Variants in XRCC2 observed in about 807,000 individuals in gnomAD.
The protein encoded by XRCC2 is X-ray repair cross complementing 2.
In XRCC2, 24 loss-of-function variants were observed where a neutral mutation model predicts 27.3. That is an observed-to-expected ratio of 0.88 (90% CI 0.64 to 1.24). The LOEUF (loss-of-function observed/expected upper bound fraction) is 1.24. XRCC2 is among the 50% of genes most tolerant of loss of function. The probability of loss-of-function intolerance (pLI) is 0.00; values close to 1 mark genes in which losing one functional copy is unlikely to be tolerated. For synonymous variants in XRCC2, 106 were observed against 115.4 expected, an observed-to-expected ratio of 0.92 and a Z score of 0.52; for missense variants, 321 against 325.8, an observed-to-expected ratio of 0.99 and a Z score of 0.11.
chr7:152,651,842 C>G (rs1363113183), intron 2 of XRCC2, among the ~76,000 whole-genome samples: 3 of 151,780 alleles, frequency 2.0e-5, no homozygotes, highest in African/African-American at 7.3e-5. Flanking sequence ...AGTATGTTAT[C>G]AGTTCTCATA....
intron 2 of XRCC2, 147 bp from the exon 3 acceptor site, chr7:152,649,510 G>T: frequency 1.0e-6 from 1 of 1,002,870 alleles, no homozygotes; most frequent in Non-Finnish European, 1.4e-6. Context: ...AGCTGTACAA[G>T]CAAATACAAT....
In XRCC2 at chr7:152,676,032, G is replaced by A. The variant is rs2098040921; in HGVS notation, c.39+9C>T. The A allele has an allele frequency of 6.2e-7, 1 of 1,613,602 alleles. No individual in the cohort carries two copies. Among genetic ancestry groups the A allele is most frequent in the Admixed American group, 1.7e-5 (1 of 60,008 alleles). On this transcript the variant is annotated intron_variant, in intron 1 of 2. Transcript: ENST00000359321. ...CCATCTCCCTCACTCCCAACCCGGC[G>A]GCTCTCACCTCGGTCCCAGACTCAG...
At chr7:152,662,126 G>A (rs1412418476) in intron 1 of XRCC2, among the ~76,000 whole-genome samples, 4 of 151,926 alleles carry the variant, frequency 2.6e-5, no homozygotes, top group African/African-American at 9.7e-5. Context: ...CACCACGCCC[G>A]GCTAATTTTT....
intron 1 of XRCC2, among the ~76,000 whole-genome samples, chr7:152,672,717 T>C (rs1394417815): frequency 6.6e-6 from 1 of 152,224 alleles, no homozygotes; most frequent in Non-Finnish European, 1.5e-5. Flanking sequence ...GTGGAGACAT[T>C]TCCTACTTTT....
At chr7:152,662,565 ATTTTT>A (rs11323323) in intron 1 of XRCC2, among the ~76,000 whole-genome samples, 15 of 67,770 alleles carry the variant, frequency 2.2e-4, no homozygotes, top group Non-Finnish European at 3.5e-4. Context: ...TTTTATTTGC[ATTTTT>A]TTTTTTTTTT....
At chr7:152,669,543 C>T (rs1449244739) in intron 1 of XRCC2, among the ~76,000 whole-genome samples, 1 of 151,930 alleles carries the variant, frequency 6.6e-6, no homozygotes, top group Admixed American at 6.6e-5. Flanking sequence ...GCTGGGATTA[C>T]AGGCGCCCAC....
Position 152,676,069 on chromosome 7 carries a change from G to GC in XRCC2, c.10dup (p.Ala4GlyfsTer4). ...GGTCCCAGACTCAGCCCTATGGAAG[G>GC]CACTACACATCGCCCCGAAGGCTCG... On this transcript the variant is annotated frameshift_variant, in exon 1 of 3. Coordinates refer to ENST00000359321, the MANE Select transcript of XRCC2 (RefSeq NM_005431.2). LOFTEE classifies it high-confidence loss of function. 1 of 1,613,842 alleles carries GC rather than the reference G, an allele frequency of 6.2e-7. No homozygotes were observed.
intron 2 of XRCC2, among the ~76,000 whole-genome samples, chr7:152,653,656 C>A (rs1331703310): frequency 1.3e-5 from 2 of 151,692 alleles, no homozygotes; most frequent in African/African-American, 4.8e-5. Context: ...GAGATGGAGT[C>A]TTGCTGAGTT....
At chr7:152,665,057 G>A (rs184482261) in intron 1 of XRCC2, among the ~76,000 whole-genome samples, 1 of 152,146 alleles carries the variant, frequency 6.6e-6, no homozygotes, top group South Asian at 2.1e-4. Context: ...TCAGATGCTG[G>A]CAAGTCACTG....
chr7:152,662,665 C>T (rs2098033655), intron 1 of XRCC2, among the ~76,000 whole-genome samples: 1 of 145,104 alleles, frequency 6.9e-6, no homozygotes, highest in Non-Finnish European at 1.5e-5. Context: ...CTCCGCCTCC[C>T]GGGTTCACGC....
chr7:152,656,392 A>G (rs1030361382), intron 2 of XRCC2, among the ~76,000 whole-genome samples: 5 of 152,082 alleles, frequency 3.3e-5, no homozygotes, highest in Admixed American at 2.0e-4. Context: ...GCAAGACTCT[A>G]TCTCAAAAAA....
rs730882049 is a variant in XRCC2, at chr7:152,648,674, T to TA, written c.810dup (p.Ile271TyrfsTer8). 4 of 1,607,416 alleles carry TA rather than the reference T, an allele frequency of 2.5e-6. No homozygotes were observed. Among genetic ancestry groups the TA allele is most frequent in the Non-Finnish European group, 3.4e-6 (4 of 1,177,600 alleles). On this transcript the variant is annotated frameshift_variant, in exon 3 of 3. Coordinates refer to ENST00000359321, the MANE Select transcript of XRCC2 (RefSeq NM_005431.2). LOFTEE classifies it high-confidence loss of function. Reference sequence around the variant, plus strand: ...AATTCAACCCCACTTTCTCCAATAATAAAAAAATGTTTTTTTAAACTGTTA... The same window carrying TA: ...AATTCAACCCCACTTTCTCCAATAATAAAAAAAATGTTTTTTTAAACTGTTA...
chr7:152,670,965 A>G (rs2117009391), intron 1 of XRCC2, among the ~76,000 whole-genome samples: 1 of 152,322 alleles, frequency 6.6e-6, no homozygotes, highest in East Asian at 1.9e-4. Flanking sequence ...CAGTAATTCC[A>G]GCACTTTGGG....
At chr7:152,673,784 G>A (rs953188093) in intron 1 of XRCC2, among the ~76,000 whole-genome samples, 8 of 152,050 alleles carry the variant, frequency 5.3e-5, no homozygotes, top group Non-Finnish European at 1.2e-4. Context: ...GCTGAGGCAG[G>A]AGAATTGCTG....
At position 152,648,591 on chromosome 7, in the gene XRCC2, A is replaced by G; in HGVS notation, c.*51T>C. On this transcript the variant is annotated 3_prime_UTR_variant, in exon 3 of 3. Coordinates refer to ENST00000359321, the MANE Select transcript of XRCC2 (RefSeq NM_005431.2). Reference sequence around the variant, plus strand: ...ACAGAGCAAGACTCTGTCTTAAGAAAAATTTTAAGGCTTGCGTAGTACCCT... The same window carrying G: ...ACAGAGCAAGACTCTGTCTTAAGAAGAATTTTAAGGCTTGCGTAGTACCCT... 1.3e-6 allele frequency: 2 copies of G among 1,515,482 alleles called. No individual in the cohort carries two copies. Among genetic ancestry groups the G allele is most frequent in the Non-Finnish European group, 1.8e-6 (2 of 1,140,488 alleles). The allele number at this position is 1,515,482 out of a possible 1,614,324, so 93.9% of individuals were successfully genotyped here. A position where few individuals can be genotyped will look rare whatever the true frequency, so the allele number is the denominator to read the frequency against.
chr7:152,660,600 T>A, intron 2 of XRCC2, 101 bp downstream of exon 2: 1 of 938,472 alleles, frequency 1.1e-6, no homozygotes, highest in East Asian at 2.5e-5. Context: ...CAGTTTAACC[T>A]GTATAAACTC....
intron 2 of XRCC2, among the ~76,000 whole-genome samples, chr7:152,651,969 G>A (rs1000501867): frequency 6.6e-6 from 1 of 151,710 alleles, no homozygotes; most frequent in African/African-American, 2.4e-5. Context: ...AGTTCATGAC[G>A]AGCCTGGGCA....
At chr7:152,650,031 G>A (rs2098027869) in intron 2 of XRCC2, among the ~76,000 whole-genome samples, 1 of 152,164 alleles carries the variant, frequency 6.6e-6, no homozygotes, top group South Asian at 2.1e-4. Context: ...GCCTGCCTCT[G>A]TGCCACTCAG....
chr7:152,653,888 A>T (rs2098029586), intron 2 of XRCC2, among the ~76,000 whole-genome samples: 1 of 152,154 alleles, frequency 6.6e-6, no homozygotes. Context: ...TCCTACAGCC[A>T]CTAAAATTTA....
Sources: allele counts gnomAD v4.1 joint callset (sites outside exome capture counted in the v4.1 genomes callset), GRCh38; gene constraint gnomAD v4.1.1; transcripts MANE v1.5; gene names NCBI Gene and HGNC (gene_info 2026-07-23, HGNC 2026-07-21).